Variants in CAP2 observed in about 807,000 individuals in gnomAD.
The protein encoded by CAP2 is adenylyl cyclase-associated protein 2.
Under a neutral mutation model 57.7 loss-of-function variants are expected in CAP2, and 24 were observed. The ratio of observed to expected loss-of-function variants is 0.42; its 90% CI spans 0.30 to 0.58. CAP2 has a LOEUF of 0.58. Among genes scored for constraint, CAP2 ranks in the 20% least tolerant of loss-of-function variants. The probability of loss-of-function intolerance (pLI) is 0.22; values close to 1 mark genes in which losing one functional copy is unlikely to be tolerated. For synonymous variants in CAP2, 194 were observed against 207.2 expected, an observed-to-expected ratio of 0.94 and a Z score of 0.55; for missense variants, 501 against 590.3, an observed-to-expected ratio of 0.85 and a Z score of 1.57.
At chr6:17,400,251 A>C (rs1758775415) in intron 1 of CAP2, among the ~76,000 whole-genome samples, 3 of 152,058 alleles carry the variant, frequency 2.0e-5, no homozygotes, top group Admixed American at 2.0e-4. Context: ...ATACACACAC[A>C]AAACAGACCT....
chr6:17,503,640 T>C (rs1761895007), intron 4 of CAP2, among the ~76,000 whole-genome samples: 1 of 151,654 alleles, frequency 6.6e-6, no homozygotes, highest in Admixed American at 6.6e-5. Flanking sequence ...CCAGTCATAT[T>C]GGATTGAAGC....
At chr6:17,473,588 G>A (rs1028732295) in intron 4 of CAP2, among the ~76,000 whole-genome samples, 4 of 152,190 alleles carry the variant, frequency 2.6e-5, no homozygotes, top group Non-Finnish European at 5.9e-5. Flanking sequence ...TGTTTCAGCA[G>A]CCTTAACTTA....
chr6:17,489,203 G>T (rs1393806210), intron 4 of CAP2, among the ~76,000 whole-genome samples: 1 of 152,158 alleles, frequency 6.6e-6, no homozygotes, highest in African/African-American at 2.4e-5. Flanking sequence ...GGAGGCTAAG[G>T]CGGGCACATC....
chr6:17,430,130 G>A (rs1453328539), intron 3 of CAP2, among the ~76,000 whole-genome samples: 3 of 152,162 alleles, frequency 2.0e-5, no homozygotes, highest in Non-Finnish European at 2.9e-5. Flanking sequence ...CGTCTGTCTC[G>A]ATGTGTTGGC....
At chr6:17,473,246 C>G (rs1761068103) in intron 4 of CAP2, among the ~76,000 whole-genome samples, 1 of 152,200 alleles carries the variant, frequency 6.6e-6, no homozygotes, top group Admixed American at 6.5e-5. Flanking sequence ...GAATTCCAGA[C>G]TGCCTTGATG....
chr6:17,398,850 A>C (rs1343427671), intron 1 of CAP2, among the ~76,000 whole-genome samples: 1 of 152,124 alleles, frequency 6.6e-6, no homozygotes, highest in Non-Finnish European at 1.5e-5. Context: ...TAAGCATACT[A>C]TTCAGTGGCA....
At chr6:17,473,204 G>A (rs1561795853) in intron 4 of CAP2, among the ~76,000 whole-genome samples, 1 of 152,114 alleles carries the variant, frequency 6.6e-6, no homozygotes, top group South Asian at 2.1e-4. Flanking sequence ...AATATCCTTT[G>A]TTTGATCAAC....
At chr6:17,488,241 T>G (rs1482373148) in intron 4 of CAP2, among the ~76,000 whole-genome samples, 2 of 152,176 alleles carry the variant, frequency 1.3e-5, no homozygotes, top group Admixed American at 1.3e-4. Context: ...GGAAAATTTG[T>G]TGTTTCCTGA....
intron 1 of CAP2, among the ~76,000 whole-genome samples, chr6:17,399,176 G>A (rs1758746337): frequency 6.6e-6 from 1 of 152,204 alleles, no homozygotes; most frequent in Non-Finnish European, 1.5e-5. Flanking sequence ...TGATTCTCGT[G>A]CCTCAGCCTT....
intron 12 of CAP2, among the ~76,000 whole-genome samples, chr6:17,553,930 A>C (rs1054474275): frequency 1.3e-5 from 2 of 152,188 alleles, no homozygotes; most frequent in South Asian, 2.1e-4. Flanking sequence ...GTTCTTGAGA[A>C]CAAACACCAA....
intron 3 of CAP2, among the ~76,000 whole-genome samples, chr6:17,461,279 C>T (rs1310485465): frequency 1.3e-5 from 2 of 151,402 alleles, no homozygotes; most frequent in Non-Finnish European, 2.9e-5. Flanking sequence ...AAGTCTGAAG[C>T]GCAGTAGCAC....
intron 12 of CAP2, among the ~76,000 whole-genome samples, chr6:17,553,293 G>A (rs376551038): frequency 2.9e-4 from 44 of 152,252 alleles, no homozygotes; most frequent in South Asian, 8.3e-4. Flanking sequence ...GAAATCCACC[G>A]GCCTAAAGGA....
chr6:17,404,369 G>C (rs1472347443), intron 1 of CAP2, among the ~76,000 whole-genome samples: 5 of 152,172 alleles, frequency 3.3e-5, no homozygotes, highest in Non-Finnish European at 5.9e-5. Flanking sequence ...ACTTTGGGAG[G>C]CCAAGGCGGG....
intron 1 of CAP2, among the ~76,000 whole-genome samples, chr6:17,406,550 C>G (rs567708779): frequency 6.6e-6 from 1 of 152,062 alleles, no homozygotes; most frequent in East Asian, 1.9e-4. Flanking sequence ...CATGCCACCA[C>G]GCCTGGCTAA....
chr6:17,429,243 C>G (rs1759666700), intron 3 of CAP2, among the ~76,000 whole-genome samples: 1 of 152,170 alleles, frequency 6.6e-6, no homozygotes, highest in Non-Finnish European at 1.5e-5. Context: ...CTGCAATACA[C>G]TGAAAAAGAT....
chr6:17,552,752 G>A (rs116829090), intron 12 of CAP2, among the ~76,000 whole-genome samples: 62 of 152,272 alleles, frequency 4.1e-4, no homozygotes, highest in African/African-American at 1.4e-3. Context: ...TGGAAGAGGA[G>A]CTCCCTCAGC....
chr6:17,515,814 C>T (rs1432668255), intron 7 of CAP2, among the ~76,000 whole-genome samples: 1 of 152,058 alleles, frequency 6.6e-6, no homozygotes, highest in East Asian at 1.9e-4. Context: ...GTGTCTGTTC[C>T]CACTTTAATT....
At chr6:17,408,901 C>T (rs1481172141) in intron 1 of CAP2, among the ~76,000 whole-genome samples, 1 of 151,214 alleles carries the variant, frequency 6.6e-6, no homozygotes, top group Non-Finnish European at 1.5e-5. Context: ...GATCTCCTGA[C>T]CTTGTGATCC....
chr6:17,482,877 G>T (rs894130621), intron 4 of CAP2, among the ~76,000 whole-genome samples: 1 of 152,168 alleles, frequency 6.6e-6, no homozygotes, highest in African/African-American at 2.4e-5. Context: ...ATGAATTAGT[G>T]GGGGGACACC....
Sources: gnomAD v4.1 joint callset for allele counts (sites outside exome capture counted in the v4.1 genomes callset) on GRCh38, gnomAD v4.1.1 for gene constraint, MANE v1.5 for transcripts, NCBI Gene and HGNC (gene_info 2026-07-23, HGNC 2026-07-21) for gene names.